Variants in TRPC5 observed in about 807,000 individuals in gnomAD.
TRPC5 encodes transient receptor potential cation channel subfamily C member 5.
A neutral mutation model predicts 56.5 loss-of-function variants in TRPC5; 9 were observed. The observed-to-expected ratio is 0.16, with a 90% CI of 0.10 to 0.28. TRPC5 has a LOEUF of 0.28. Ranked by LOEUF, TRPC5 falls within the 10% of genes least tolerant of loss-of-function variation. TRPC5 has a pLI of 1.00. For missense variants in TRPC5, 469 were observed against 748.9 expected, an observed-to-expected ratio of 0.63 and a Z score of 4.36; for synonymous variants, 282 against 278.5, an observed-to-expected ratio of 1.01 and a Z score of -0.13.
At chrX:111,782,919 C>G (rs1945932440) in intron 7 of TRPC5, among the ~76,000 whole-genome samples, 1 of 110,499 alleles carries the variant, frequency 9.0e-6, no homozygotes, top group South Asian at 3.9e-4. Context: ...CACAACAGTT[C>G]TATCACCCTC....
At chrX:111,899,661 A>C (rs1434496499) in intron 3 of TRPC5, among the ~76,000 whole-genome samples, 1 of 110,887 alleles carries the variant, frequency 9.0e-6, no homozygotes, top group Non-Finnish European at 1.9e-5. Flanking sequence ...TGTATATACC[A>C]TCTAGTAGTT....
chrX:111,966,508 C>T (rs1182694820), intron 1 of TRPC5, among the ~76,000 whole-genome samples: 9 of 111,614 alleles, frequency 8.1e-5, no homozygotes, highest in East Asian at 2.8e-4. Flanking sequence ...ATACCAAAGC[C>T]GGGCAGAGAC....
chrX:111,999,775 G>A (rs1327435372), intron 1 of TRPC5, among the ~76,000 whole-genome samples: 1 of 111,375 alleles, frequency 9.0e-6, no homozygotes, highest in Non-Finnish European at 1.9e-5. Context: ...AGACCAGCCT[G>A]GCCAACATGG....
Position 111,835,046 on chromosome X carries a change from T to C in TRPC5, c.1771A>G (p.Lys591Glu), listed in dbSNP as rs772319589. Residue 591 changes from lysine (K) to glutamate (E), a missense_variant, in exon 7 of 11, where the codon AAA becomes GAA. Physicochemically the swap from Lys to Glu is moderately conservative, Grantham distance 56 (BLOSUM62 1). Around this residue, in one of 3 missense-constraint regions of TRPC5, gnomAD observed 157 missense variants for 360.0 expected, o/e 0.44. Coordinates refer to ENST00000262839, the MANE Select transcript of TRPC5 (RefSeq NM_012471.3). ...AACTCGGTGAATTCGTGTCTGGCTT[T>C]CACATTGGTGACATATAGATTTAAA... ...GLLNLYVTNV[K>E]ARHEFTEFVG... The C allele has an allele frequency of 8.3e-7, 1 of 1,211,780 alleles. No individual in the cohort carries two copies. Among genetic ancestry groups the C allele is most frequent in the South Asian group, 1.8e-5 (1 of 56,975 alleles).
At position 112,003,649 on chromosome X, in the gene TRPC5, C is replaced by T. The variant is rs773329685; in HGVS notation, c.-21-51208G>A. Among the ~76,000 whole-genome samples, 3 of 110,772 alleles carry T rather than the reference C, an allele frequency of 2.7e-5. No homozygotes were observed. The South Asian group carries it at 1.2e-3, about 43-fold the overall frequency. ...CTGCACACTAAATGGTAATACTGCC[C>T]CCCTTGGTATTTATGACAACCAAAA... On this transcript the variant is annotated intron_variant, in intron 1 of 10. Transcript: ENST00000262839.
Position 111,987,038 on chromosome X carries a change from C to CA in TRPC5, c.-21-34598dup, listed in dbSNP as rs779776750. 6.8e-3 allele frequency among the ~76,000 whole-genome samples: 753 copies of CA among 110,953 alleles called. 4 individuals carry two copies. Among genetic ancestry groups the CA allele is most frequent in the African/African-American group, 0.023 (708 of 30,569 alleles). On this transcript the variant is annotated intron_variant, in intron 1 of 10. Coordinates refer to ENST00000262839, the MANE Select transcript of TRPC5 (RefSeq NM_012471.3). ...CAATCTCATTACATTTGTTGGTTTGCAAAAAAATGTTTGGGTGTATCATAT... is the reference window on the plus strand; with the variant it reads ...CAATCTCATTACATTTGTTGGTTTGCAAAAAAAATGTTTGGGTGTATCATAT...
chrX:111,939,046 C>A (rs900536894), intron 2 of TRPC5, among the ~76,000 whole-genome samples: 2 of 111,572 alleles, frequency 1.8e-5, no homozygotes, highest in Non-Finnish European at 3.8e-5. Flanking sequence ...CTGTTGTATG[C>A]GGCTTTTATT....
chrX:112,060,242 C>G, intron 1 of TRPC5, among the ~76,000 whole-genome samples: 1 of 111,951 alleles, frequency 8.9e-6, no homozygotes, highest in Non-Finnish European at 1.9e-5. Context: ...TGCCTGACAC[C>G]TGAGGATATT....
intron 3 of TRPC5, among the ~76,000 whole-genome samples, chrX:111,866,677 G>A (rs770329144): frequency 8.9e-6 from 1 of 112,282 alleles, no homozygotes; most frequent in Admixed American, 9.4e-5. Flanking sequence ...ACTGGAAAGA[G>A]ACCACCCCTC....
intron 2 of TRPC5, among the ~76,000 whole-genome samples, chrX:111,926,666 G>A (rs1465332210): frequency 1.8e-5 from 2 of 112,276 alleles, no homozygotes; most frequent in African/African-American, 6.5e-5. Flanking sequence ...CTCTTGACAT[G>A]TATTATCTCC....
At chrX:111,905,376 C>G (rs1037768039) in intron 3 of TRPC5, among the ~76,000 whole-genome samples, 2 of 111,369 alleles carry the variant, frequency 1.8e-5, no homozygotes, top group Non-Finnish European at 3.8e-5. Flanking sequence ...ACCAACCAAC[C>G]AACCAACAGA....
At chrX:112,031,151 ATCTT>A (rs1254132026) in intron 1 of TRPC5, among the ~76,000 whole-genome samples, 2 of 111,381 alleles carry the variant, frequency 1.8e-5, no homozygotes, top group African/African-American at 3.3e-5. Context: ...GGAAATCTCG[ATCTT>A]TCTTAGTTTT....
chrX:111,904,840 G>A (rs781034449), intron 3 of TRPC5, among the ~76,000 whole-genome samples: 178 of 111,866 alleles, frequency 1.6e-3, no homozygotes, highest in African/African-American at 5.4e-3. Context: ...ATACCTGAAA[G>A]TCTATTTGAT....
At chrX:111,839,512 G>T in intron 6 of TRPC5, among the ~76,000 whole-genome samples, 1 of 111,485 alleles carries the variant, frequency 9.0e-6, no homozygotes, top group Non-Finnish European at 1.9e-5. Context: ...AACATTTATT[G>T]TGCTCTTACT....
intron 1 of TRPC5, among the ~76,000 whole-genome samples, chrX:112,074,445 C>T (rs1013762399): frequency 9.1e-6 from 1 of 110,094 alleles, no homozygotes; most frequent in Non-Finnish European, 1.9e-5. Context: ...TCCACCAATC[C>T]GGAATTCCTA....
chrX:111,869,794 A>G lies in TRPC5; in HGVS notation c.901-15688T>C, dbSNP rs371290932. ...GGGTGGTAGGAGCTCACTGCCTACT[A>G]CAGAGGAGAGTTCTGGAAGTAAAGG... On this transcript the variant is annotated intron_variant, in intron 3 of 10. Coordinates refer to ENST00000262839, the MANE Select transcript of TRPC5 (RefSeq NM_012471.3). 1.2e-3 allele frequency among the ~76,000 whole-genome samples: 129 copies of G among 111,146 alleles called. No homozygotes were observed. The South Asian group carries it at 0.02, about 17-fold the overall frequency.
intron 7 of TRPC5, among the ~76,000 whole-genome samples, chrX:111,802,771 G>T (rs1319283008): frequency 8.9e-6 from 1 of 111,815 alleles, no homozygotes; most frequent in Non-Finnish European, 1.9e-5. Context: ...AACATTAGAA[G>T]AACTATCTAT....
intron 9 of TRPC5, among the ~76,000 whole-genome samples, chrX:111,780,008 G>C (rs1023893900): frequency 1.8e-5 from 2 of 111,766 alleles, no homozygotes; most frequent in African/African-American, 6.5e-5. Flanking sequence ...AGTAGGGAGA[G>C]GAGGTTTACA....
At chrX:111,864,476 T>C (rs1293117910) in intron 3 of TRPC5, among the ~76,000 whole-genome samples, 1 of 112,167 alleles carries the variant, frequency 8.9e-6, no homozygotes, top group Non-Finnish European at 1.9e-5. Flanking sequence ...AGACCAGTCC[T>C]GGGAATTGGG....
Sources: allele counts gnomAD v4.1 joint callset (sites outside exome capture counted in the v4.1 genomes callset), GRCh38; gene constraint gnomAD v4.1.1; regional missense constraint gnomAD v4.1.1; transcripts MANE v1.5; gene names NCBI Gene and HGNC (gene_info 2026-07-23, HGNC 2026-07-21).